VAMP8: variants seen among roughly 807,000 people sequenced by gnomAD.
The protein encoded by VAMP8 is vesicle-associated membrane protein 8.
VAMP8 carries 9 observed loss-of-function variants against 11.4 expected under a neutral mutation model. The observed-to-expected ratio is 0.79, with a 90% CI of 0.48 to 1.38. The LOEUF (loss-of-function observed/expected upper bound fraction) is 1.38, where lower values mean the gene tolerates loss of function less well. VAMP8 is among the 40% of genes most tolerant of loss of function. The pLI, the probability that VAMP8 is intolerant of heterozygous loss-of-function variation, is 0.00. For synonymous variants in VAMP8, 42 were observed against 44.7 expected, an observed-to-expected ratio of 0.94 and a Z score of 0.24; for missense variants, 108 against 127.8, an observed-to-expected ratio of 0.85 and a Z score of 0.75.
At chr2:85,580,354 G>C (rs1436454725) in intron 2 of VAMP8, among the ~76,000 whole-genome samples, 1 of 152,078 alleles carries the variant, frequency 6.6e-6, no homozygotes, top group Non-Finnish European at 1.5e-5. Flanking sequence ...ATCCTGTCCT[G>C]GTCCCTCCTC....
In VAMP8 at chr2:85,581,756, A is replaced by T. The variant is rs747794132; in HGVS notation, c.*40A>T. 1.2e-6 allele frequency: 2 copies of T among 1,612,230 alleles called. No homozygotes were observed. Among genetic ancestry groups the T allele is most frequent in the Non-Finnish European group, 1.7e-6 (2 of 1,178,796 alleles). ...CTCCCACCTGCCCTTCTCTTCAGGG[A>T]CAACCCTCCATAAATGTGTGCCAAG... On this transcript the variant is annotated 3_prime_UTR_variant, in exon 3 of 3. Transcript: ENST00000263864.
chr2:85,581,974 C>T lies in VAMP8; in HGVS notation c.*258C>T. 1 of 459,624 alleles carries T rather than the reference C, an allele frequency of 2.2e-6. No homozygotes were observed. The allele number at this position is 459,624 out of a possible 1,614,324, so 28.5% of individuals were successfully genotyped here. A position where few individuals can be genotyped will look rare whatever the true frequency, so the allele number is the denominator to read the frequency against. On this transcript the variant is annotated 3_prime_UTR_variant, in exon 3 of 3. Coordinates refer to ENST00000263864, the MANE Select transcript of VAMP8 (RefSeq NM_003761.5). ...GGCTGGAGAGACCTAGAGGGCCCAG[C>T]ATGTGGCTGGGAAACTGTTGGTGGC...
Position 85,581,819 on chromosome 2 carries a change from G to T in VAMP8, c.*103G>T, listed in dbSNP as rs1234223905. ...CCTGTCTTCCTCTACAGAGAATGCTGCTCGGTCCTCCTACCCCTCTTCCCG... is the reference window on the plus strand; with the variant it reads ...CCTGTCTTCCTCTACAGAGAATGCTTCTCGGTCCTCCTACCCCTCTTCCCG... On this transcript the variant is annotated 3_prime_UTR_variant, in exon 3 of 3. Coordinates refer to ENST00000263864, the MANE Select transcript of VAMP8 (RefSeq NM_003761.5). 3 of 1,496,298 alleles carry T rather than the reference G, an allele frequency of 2.0e-6. No homozygotes were observed. In the East Asian group the frequency reaches 6.8e-5, roughly 34 times the overall value. The allele number at this position is 1,496,298 out of a possible 1,614,324, so 92.7% of individuals were successfully genotyped here.
Position 85,578,998 on chromosome 2 carries a change from T to G in VAMP8, c.4-11T>G. ...ACCACTTGGTCTAATTAACCCCGTG[T>G]TGCCGCACAGGAGGAAGCCAGTGAA... On this transcript the variant is annotated splice_polypyrimidine_tract_variant and intron_variant, in intron 1 of 2. Coordinates refer to ENST00000263864, the MANE Select transcript of VAMP8 (RefSeq NM_003761.5). 1.3e-6 allele frequency: 2 copies of G among 1,597,340 alleles called. No individual in the cohort carries two copies. The highest frequency in any genetic ancestry group is 2.3e-5 in the South Asian group (2 of 88,546).
At chr2:85,578,967 T>TC in intron 1 of VAMP8, 42 bp from the exon 2 acceptor site, 1 of 1,576,980 alleles carries the variant, frequency 6.3e-7, no homozygotes, top group East Asian at 2.3e-5. Flanking sequence ...AGTCTCCAGT[T>TC]CCCCCACCAC....
chr2:85,578,590 C>T (rs1224914687), intron 1 of VAMP8, among the ~76,000 whole-genome samples: 1 of 152,164 alleles, frequency 6.6e-6, no homozygotes, highest in Non-Finnish European at 1.5e-5. Context: ...CACTTTCAAC[C>T]AGGGTCCCAA....
chr2:85,581,599 G>A lies in VAMP8; in HGVS notation c.186G>A (p.Ser62=), dbSNP rs144083317. The A allele has an allele frequency of 2.0e-5, 32 of 1,613,954 alleles. No homozygotes were observed. In the African/African-American group the frequency reaches 3.2e-4, roughly 16 times the overall value. Residue 62 remains serine (S), a synonymous_variant, in exon 3 of 3, where the codon TCG becomes TCA. Coordinates refer to ENST00000263864, the MANE Select transcript of VAMP8 (RefSeq NM_003761.5). ...AGTCTGAGCACTTCAAGACGACATC[G>A]CAGAAGGTGGCTCGAAAATTCTGGT... The part of the protein sequence containing the change: ...EATSEHFKTT[S]QKVARKFWWK...
At chr2:85,579,243 C>T in intron 2 of VAMP8, 76 bp downstream of exon 2, 1 of 1,436,980 alleles carries the variant, frequency 7.0e-7, no homozygotes, top group South Asian at 1.4e-5. Context: ...GCAAAATGGA[C>T]AGGAGGGCCA....
At chr2:85,581,218 G>A (rs569087746) in intron 2 of VAMP8, among the ~76,000 whole-genome samples, 44 of 152,120 alleles carry the variant, frequency 2.9e-4, no homozygotes, top group African/African-American at 9.2e-4. Context: ...GGTGGCTTAC[G>A]CCTGTAATCC....
At position 85,581,547 on chromosome 2, in the gene VAMP8, G is replaced by T. The variant is rs767520137; in HGVS notation, c.163-29G>T. The T allele has an allele frequency of 1.9e-6, 3 of 1,613,342 alleles. No individual in the cohort carries two copies. The East Asian group carries it at 6.7e-5, about 36-fold the overall frequency. ...CTTGTTCCAGTGGGAGGAGCCACTG[G>T]GTCACTCACTCTGCCTTTTCCCCAA... On this transcript the variant is annotated intron_variant, in intron 2 of 2. Transcript: ENST00000263864.
At position 85,581,897 on chromosome 2, in the gene VAMP8, G is replaced by A; in HGVS notation, c.*181G>A. The A allele has an allele frequency of 1.2e-6, 1 of 813,518 alleles. No homozygotes were observed. The highest frequency in any genetic ancestry group is 1.8e-5 in the South Asian group (1 of 57,104). 50.4% of individuals were successfully genotyped at this position (813,518 alleles called of 1,614,324 possible). A position where few individuals can be genotyped will look rare whatever the true frequency, so the allele number is the denominator to read the frequency against. On this transcript the variant is annotated 3_prime_UTR_variant, in exon 3 of 3. Coordinates refer to ENST00000263864, the MANE Select transcript of VAMP8 (RefSeq NM_003761.5). ...AGAAGGTACCTTGGTCCCCCGGAAG[G>A]AGAGAAAAAAGAGAGATGGACTGTG...
intron 2 of VAMP8, chr2:85,579,870 C>T: frequency 6.5e-7 from 1 of 1,550,298 alleles, no homozygotes; most frequent in South Asian, 1.2e-5. Flanking sequence ...ACTCTTGGCT[C>T]TTGGGTATTG....
At chr2:85,577,844 T>G (rs181824191) in intron 1 of VAMP8, among the ~76,000 whole-genome samples, 195 bp downstream of exon 1, 1 of 152,266 alleles carries the variant, frequency 6.6e-6, no homozygotes, top group African/African-American at 2.4e-5. Context: ...TTTCTACTCC[T>G]TCTCCCTCCC....
Position 85,581,783 on chromosome 2 carries a change from G to T in VAMP8, c.*67G>T. The stretch of plus-strand genomic sequence containing the variant: ...AACCCTCCATAAATGTGTGCCAAGA[G>T]GGTCTCCTTTCCTGTCTTCCTCTAC... On this transcript the variant is annotated 3_prime_UTR_variant, in exon 3 of 3. Coordinates refer to ENST00000263864, the MANE Select transcript of VAMP8 (RefSeq NM_003761.5). The T allele has an allele frequency of 2.5e-6, 4 of 1,596,054 alleles. No homozygotes were observed. The South Asian group carries it at 3.4e-5, about 13-fold the overall frequency.
chr2:85,579,592 G>A (rs1042463685), intron 2 of VAMP8: 5 of 1,316,918 alleles, frequency 3.8e-6, no homozygotes, highest in Admixed American at 5.7e-5. Flanking sequence ...TAGACAAGGG[G>A]TGGGAAATTG....
chr2:85,579,958 A>ATT (rs373965843), intron 2 of VAMP8: 481 of 1,186,134 alleles, frequency 4.1e-4, no homozygotes, highest in Middle Eastern at 5.8e-4. Context: ...GGCCCCGGGA[A>ATT]TTTTTTTTTT....
At chr2:85,580,876 C>A (rs944820872) in intron 2 of VAMP8, among the ~76,000 whole-genome samples, 1 of 151,730 alleles carries the variant, frequency 6.6e-6, no homozygotes. Context: ...ACAATGTTGG[C>A]TAGGCTGGTC....
At chr2:85,580,068 C>T (rs1344766911) in intron 2 of VAMP8, among the ~76,000 whole-genome samples, 5 of 152,012 alleles carry the variant, frequency 3.3e-5, no homozygotes, top group African/African-American at 7.2e-5. Flanking sequence ...TCTCGTGCCT[C>T]AGCCTCCTGA....
intron 2 of VAMP8, chr2:85,579,927 G>C (rs936710176): frequency 6.6e-7 from 1 of 1,510,488 alleles, no homozygotes; most frequent in Non-Finnish European, 8.8e-7. Flanking sequence ...TAGCTTAATT[G>C]TAGCTTAATT....
Sources: allele counts gnomAD v4.1 joint callset (sites outside exome capture counted in the v4.1 genomes callset), GRCh38; gene constraint gnomAD v4.1.1; transcripts MANE v1.5; gene names NCBI Gene and HGNC (gene_info 2026-07-23, HGNC 2026-07-21).